The following NRXN1 variants were observed in gnomAD, a reference collection of about 807,000 sequenced individuals.
NRXN1 encodes the protein neurexin 1, also known as neurexin-1.
Under a neutral mutation model 150.9 loss-of-function variants are expected in NRXN1, and 39 were observed. That is an observed-to-expected ratio of 0.26 (90% confidence interval 0.20 to 0.34). NRXN1 has a LOEUF of 0.34. Among genes scored for constraint, NRXN1 ranks in the 10% least tolerant of loss-of-function variants. The pLI, the probability that NRXN1 is intolerant of heterozygous loss-of-function variation, is 1.00. For synonymous variants in NRXN1, 924 were observed against 757.0 expected (o/e 1.22, Z -3.62); for missense variants, 1,815 against 1,949.9 (o/e 0.93, Z 1.30).
At chr2:50,690,449 A>AT (rs1308125721) in intron 5 of NRXN1, among the ~76,000 whole-genome samples, 1 of 152,176 alleles carries the variant, frequency 6.6e-6, no homozygotes, top group Non-Finnish European at 1.5e-5. Flanking sequence ...AAAATGTCGA[A>AT]TTCTCTAATC....
intron 2 of NRXN1, chr2:51,026,588 G>C (rs1352130098): frequency 4.4e-6 from 3 of 674,276 alleles, no homozygotes; most frequent in Non-Finnish European, 7.9e-6. Flanking sequence ...AATGTCATTA[G>C]CCGAATATCC....
chr2:50,563,298 T>G (rs913816257), intron 8 of NRXN1, among the ~76,000 whole-genome samples: 1 of 152,218 alleles, frequency 6.6e-6, no homozygotes, highest in African/African-American at 2.4e-5. Context: ...TAAATGAGTT[T>G]GACAATTTTA....
At chr2:50,426,410 G>A (rs1292997973) in intron 17 of NRXN1, among the ~76,000 whole-genome samples, 1 of 152,150 alleles carries the variant, frequency 6.6e-6, no homozygotes, top group Non-Finnish European at 1.5e-5. Flanking sequence ...GCTTCATTTA[G>A]TTGAGAAACA....
rs78497262 is a variant in NRXN1, at chr2:50,091,656, C to T, written c.3547-162G>A. On this transcript the variant is annotated intron_variant, in intron 18 of 22. Coordinates refer to ENST00000401669, the MANE Select transcript of NRXN1 (RefSeq NM_001330078.2). ...CATGTAGTAGAAGCAAGATTCTTGA[C>T]ATCTGGGTAAATTTAAGACATCTCT... Among the ~76,000 whole-genome samples the T allele has an allele frequency of 0.02, 3,037 of 152,314 alleles. 111 individuals carry two copies. Among genetic ancestry groups the T allele is most frequent in the African/African-American group, 0.07 (2,921 of 41,560 alleles).
At chr2:50,996,358 AGAAATGAT>A (rs1485066472) in intron 2 of NRXN1, among the ~76,000 whole-genome samples, 1 of 152,124 alleles carries the variant, frequency 6.6e-6, no homozygotes, top group Non-Finnish European at 1.5e-5. Flanking sequence ...GGTTAAGGTA[AGAAATGAT>A]GGGTTTACCT....
intron 2 of NRXN1, among the ~76,000 whole-genome samples, chr2:51,005,138 C>G (rs747618681): frequency 5.3e-5 from 8 of 151,892 alleles, no homozygotes; most frequent in Admixed American, 2.0e-4. Flanking sequence ...TAACCTACAT[C>G]TTTCTCTGGA....
chr2:50,593,794 G>A (rs1253699053), intron 8 of NRXN1, among the ~76,000 whole-genome samples: 4 of 151,992 alleles, frequency 2.6e-5, no homozygotes, highest in Non-Finnish European at 4.4e-5. Flanking sequence ...AACATATCTA[G>A]GCTGTTAAAA....
At chr2:50,407,649 G>A (rs888532559) in intron 17 of NRXN1, among the ~76,000 whole-genome samples, 5 of 152,092 alleles carry the variant, frequency 3.3e-5, no homozygotes, top group East Asian at 1.9e-4. Flanking sequence ...GGTGGTAGCT[G>A]TATAAAAAGA....
chr2:50,956,826 A>G (rs1692360108), intron 2 of NRXN1, among the ~76,000 whole-genome samples: 1 of 152,156 alleles, frequency 6.6e-6, no homozygotes, highest in Non-Finnish European at 1.5e-5. Context: ...TGCCTTACAG[A>G]TGACATTCAT....
chr2:49,944,526 C>T (rs1361491215), intron 21 of NRXN1, among the ~76,000 whole-genome samples: 1 of 152,078 alleles, frequency 6.6e-6, no homozygotes, highest in Non-Finnish European at 1.5e-5. Flanking sequence ...CTTCATTGCG[C>T]TTACAGCAAA....
intron 8 of NRXN1, among the ~76,000 whole-genome samples, chr2:50,603,559 G>A (rs1676617060): frequency 1.3e-5 from 2 of 152,150 alleles, no homozygotes; most frequent in African/African-American, 2.4e-5. Flanking sequence ...TCAAGGAGAT[G>A]GTAGTGGTAG....
chr2:50,071,768 A>C (rs999615260), intron 19 of NRXN1, among the ~76,000 whole-genome samples: 3 of 152,240 alleles, frequency 2.0e-5, no homozygotes, highest in Admixed American at 6.5e-5. Context: ...CAGATCTTTC[A>C]TATTAAGATG....
At chr2:50,309,007 A>C (rs1053293042) in intron 17 of NRXN1, among the ~76,000 whole-genome samples, 5 of 152,194 alleles carry the variant, frequency 3.3e-5, no homozygotes, top group Non-Finnish European at 7.3e-5. Context: ...CTGCCCAGTA[A>C]ATATTAGCTA....
intron 5 of NRXN1, among the ~76,000 whole-genome samples, chr2:50,681,179 C>A (rs765802697): frequency 6.6e-6 from 1 of 152,180 alleles, no homozygotes; most frequent in African/African-American, 2.4e-5. Flanking sequence ...GATCTGTACA[C>A]TATTGGCCCC....
chr2:50,770,978 C>T lies in NRXN1; in HGVS notation c.833-147363G>A, dbSNP rs575800726. 6.6e-5 allele frequency among the ~76,000 whole-genome samples: 10 copies of T among 152,156 alleles called. No individual in the cohort carries two copies. In the South Asian group the frequency reaches 1.7e-3, roughly 25 times the overall value. On this transcript the variant is annotated intron_variant, in intron 5 of 22. Coordinates refer to ENST00000401669, the MANE Select transcript of NRXN1 (RefSeq NM_001330078.2). ...GGTTTCAAGGAATGTATCTTAATTA[C>T]GTTTGAACCCTCAGTACTTATTTCA... is the stretch of plus-strand genomic sequence containing the variant.
chr2:50,986,288 A>T (rs1282678291), intron 2 of NRXN1, among the ~76,000 whole-genome samples: 1 of 151,810 alleles, frequency 6.6e-6, no homozygotes, highest in Non-Finnish European at 1.5e-5. Flanking sequence ...AATTGGCAGT[A>T]GTTTGCTCTT....
At chr2:50,365,884 A>T (rs968330983) in intron 17 of NRXN1, among the ~76,000 whole-genome samples, 29 of 152,064 alleles carry the variant, frequency 1.9e-4, no homozygotes, top group African/African-American at 6.8e-4. Flanking sequence ...TGAATACACT[A>T]CAAATTCTTT....
intron 12 of NRXN1, among the ~76,000 whole-genome samples, chr2:50,514,534 T>C (rs1426921082): frequency 6.6e-6 from 1 of 152,228 alleles, no homozygotes; most frequent in African/African-American, 2.4e-5. Context: ...ACTTACATTC[T>C]AATAGGTCAG....
intron 5 of NRXN1, among the ~76,000 whole-genome samples, chr2:50,677,589 A>G (rs1157642166): frequency 1.3e-5 from 2 of 152,090 alleles, no homozygotes; most frequent in Admixed American, 1.3e-4. Flanking sequence ...CTTTCATTGA[A>G]TTAATTGATT....
Sources: allele counts gnomAD v4.1 joint callset (sites outside exome capture counted in the v4.1 genomes callset), GRCh38; gene constraint gnomAD v4.1.1; transcripts MANE v1.5; gene names NCBI Gene and HGNC (gene_info 2026-07-23, HGNC 2026-07-21).